MAPK1IP1L: variants seen among roughly 807,000 people sequenced by gnomAD.
MAPK1IP1L encodes MAPK-interacting and spindle-stabilizing protein-like.
Under a neutral mutation model 18.1 loss-of-function variants are expected in MAPK1IP1L, and 10 were observed. That is an observed-to-expected ratio of 0.55 (90% CI 0.34 to 0.94). The LOEUF is 0.94. Ranked by LOEUF, MAPK1IP1L falls within the 40% of genes least tolerant of loss-of-function variation. The pLI, the probability that MAPK1IP1L is intolerant of heterozygous loss-of-function variation, is 0.02. For synonymous variants in MAPK1IP1L, 115 were observed against 117.3 expected, an observed-to-expected ratio of 0.98 and a Z score of 0.13; for missense variants, 260 against 318.2, an observed-to-expected ratio of 0.82 and a Z score of 1.39.
intron 1 of MAPK1IP1L, 64 bp from the exon 2 acceptor site, chr14:55,061,616 T>C (rs1365149949): frequency 8.6e-7 from 1 of 1,161,060 alleles, no homozygotes; most frequent in East Asian, 2.5e-5. Flanking sequence ...AAGGAATATT[T>C]AAGAAATGGT....
At chr14:55,058,417 A>G (rs999944334) in intron 1 of MAPK1IP1L, among the ~76,000 whole-genome samples, 1 of 152,242 alleles carries the variant, frequency 6.6e-6, no homozygotes, top group African/African-American at 2.4e-5. Context: ...TTACAACCAC[A>G]GGGAAAAGTT....
In MAPK1IP1L at chr14:55,051,704, C is replaced by G. The variant is rs760566820; in HGVS notation, c.-104C>G. ...GCTGCTGGTGCTGTTGCCGCCGCTG[C>G]TCTAGCTGCCGTCAGTCAGGCTGCG... On this transcript the variant is annotated 5_prime_UTR_variant, in exon 1 of 4. Coordinates refer to ENST00000395468, the MANE Select transcript of MAPK1IP1L (RefSeq NM_144578.4). The G allele has an allele frequency of 1.9e-6, 1 of 516,384 alleles. No individual in the cohort carries two copies. The highest frequency in any genetic ancestry group is 3.9e-6 in the Non-Finnish European group (1 of 259,548). The allele number at this position is 516,384 out of a possible 1,614,324, so 32.0% of individuals were successfully genotyped here.
intron 1 of MAPK1IP1L, among the ~76,000 whole-genome samples, chr14:55,059,795 A>G (rs1164480605): frequency 6.6e-6 from 1 of 152,024 alleles, no homozygotes; most frequent in Non-Finnish European, 1.5e-5. Context: ...GGAGCTACCA[A>G]GTGAGGTGGT....
In MAPK1IP1L at chr14:55,066,810, T is replaced by C. The variant is rs1356334500; in HGVS notation, c.*2183T>C. The stretch of plus-strand genomic sequence containing the variant: ...CTCCCTATAAGTATAATAATTTTGC[T>C]AGTGACCCATACTGTCCAGTGTGCC... On this transcript the variant is annotated 3_prime_UTR_variant, in exon 4 of 4. Transcript: ENST00000395468. 1 of 152,188 alleles carries C rather than the reference T, an allele frequency of 6.6e-6. No individual in the cohort carries two copies. The highest frequency in any genetic ancestry group is 1.5e-5 in the Non-Finnish European group (1 of 68,030). 9.4% of individuals were successfully genotyped at this position (152,188 alleles called of 1,614,324 possible).
rs755337950 is a variant in MAPK1IP1L at position 55,051,648 on chromosome 14, C to G, written c.-160C>G. ...ACGGGCGGAGGCGGTGCGCTCGGCGCTTCCTGTTCCGGCGCCAGGAGGAGC... is the reference window on the plus strand; with the variant it reads ...ACGGGCGGAGGCGGTGCGCTCGGCGGTTCCTGTTCCGGCGCCAGGAGGAGC... On this transcript the variant is annotated 5_prime_UTR_variant, in exon 1 of 4. Transcript: ENST00000395468. 3.9e-6 allele frequency: 2 copies of G among 510,762 alleles called. No individual in the cohort carries two copies. Among genetic ancestry groups the G allele is most frequent in the Admixed American group, 3.9e-5 (2 of 50,644 alleles). 31.6% of individuals were successfully genotyped at this position (510,762 alleles called of 1,614,324 possible).
chr14:55,068,504 A>G lies in MAPK1IP1L; in HGVS notation c.*3877A>G, dbSNP rs1594629594. On this transcript the variant is annotated 3_prime_UTR_variant, in exon 4 of 4. Coordinates refer to ENST00000395468, the MANE Select transcript of MAPK1IP1L (RefSeq NM_144578.4). The stretch of plus-strand genomic sequence containing the variant: ...TTTCTCACCCTGAATGATAGAAGCT[A>G]GCTTTATCAAATGCCAAGGTTAGAA... 6.6e-6 allele frequency: 1 copy of G among 152,618 alleles called. No individual in the cohort carries two copies. Among genetic ancestry groups the G allele is most frequent in the Admixed American group, 6.5e-5 (1 of 15,274 alleles). 9.5% of individuals were successfully genotyped at this position (152,618 alleles called of 1,614,324 possible).
At position 55,062,939 on chromosome 14, in the gene MAPK1IP1L, G is replaced by C. The variant is rs1227438425; in HGVS notation, c.340G>C (p.Gly114Arg). The C allele has an allele frequency of 6.2e-7, 1 of 1,613,874 alleles. No individual in the cohort carries two copies. The highest frequency in any genetic ancestry group is 8.5e-7 in the Non-Finnish European group (1 of 1,179,942). The change falls in exon 3 of 4, where the codon GGG becomes CGG. Residue 114 changes from glycine to arginine, a missense_variant. Transcript: ENST00000395468. ...AACTGTGCCGGGCCCTGGCCCCACA[G>C]GGCCATATCCTACACCAAATATGCC... Reference protein sequence around the residue: ...APTVPGPGPTGPYPTPNMPFP... With the variant: ...APTVPGPGPTRPYPTPNMPFP...
At chr14:55,056,719 C>T (rs917340248) in intron 1 of MAPK1IP1L, among the ~76,000 whole-genome samples, 3 of 152,096 alleles carry the variant, frequency 2.0e-5, no homozygotes, top group African/African-American at 7.2e-5. Context: ...CCTTGTTAGC[C>T]AGGATGGTCT....
intron 1 of MAPK1IP1L, among the ~76,000 whole-genome samples, chr14:55,059,398 G>A (rs140040777): frequency 1.1e-4 from 16 of 152,178 alleles, no homozygotes; most frequent in African/African-American, 3.1e-4. Flanking sequence ...TTGGGAGGCC[G>A]AGGCAGGCAG....
Position 55,067,375 on chromosome 14 carries a change from G to A in MAPK1IP1L, c.*2748G>A, listed in dbSNP as rs1205817033. 1 of 151,980 alleles carries A rather than the reference G, an allele frequency of 6.6e-6. No homozygotes were observed. Among genetic ancestry groups the A allele is most frequent in the East Asian group, 1.9e-4 (1 of 5,202 alleles). 9.4% of individuals were successfully genotyped at this position (151,980 alleles called of 1,614,324 possible). A position where few individuals can be genotyped will look rare whatever the true frequency, so the allele number is the denominator to read the frequency against. On this transcript the variant is annotated 3_prime_UTR_variant, in exon 4 of 4. Coordinates refer to ENST00000395468, the MANE Select transcript of MAPK1IP1L (RefSeq NM_144578.4). ...TAAGAAAAGCAGGCGTTTTAGTGGA[G>A]AAATGGGGAACAGCATCAAGAAAGG...
chr14:55,056,298 C>CTGAACCTG (rs1043140286), intron 1 of MAPK1IP1L, among the ~76,000 whole-genome samples: 4 of 152,178 alleles, frequency 2.6e-5, no homozygotes, highest in African/African-American at 9.7e-5. Context: ...CCTGAACAGT[C>CTGAACCTG]AAGGCCATTT....
chr14:55,054,429 C>T (rs2042755004), intron 1 of MAPK1IP1L, among the ~76,000 whole-genome samples: 1 of 151,976 alleles, frequency 6.6e-6, no homozygotes, highest in South Asian at 2.1e-4. Context: ...AGGCTTGAGC[C>T]GCCGCACCCG....
rs191659756 is a variant in MAPK1IP1L at position 55,057,558 on chromosome 14, A to C, written c.-4-4122A>C. ...CGGATCACAAGGTCAAGAGATGGAG[A>C]CCATCCTGGACAACATGGTGAAACC... On this transcript the variant is annotated intron_variant, in intron 1 of 3. Transcript: ENST00000395468. Among the ~76,000 whole-genome samples, 526 of 152,274 alleles carry C rather than the reference A, an allele frequency of 3.5e-3. 10 individuals carry two copies. The highest frequency in any genetic ancestry group is 3.4e-3 in the Middle Eastern group (1 of 294).
At chr14:55,053,487 G>T (rs1487702434) in intron 1 of MAPK1IP1L, among the ~76,000 whole-genome samples, 1 of 152,116 alleles carries the variant, frequency 6.6e-6, no homozygotes, top group Non-Finnish European at 1.5e-5. Flanking sequence ...AACATTACTG[G>T]CCTGGTTTTT....
At position 55,051,667 on chromosome 14, in the gene MAPK1IP1L, G is replaced by A. The variant is rs771095452; in HGVS notation, c.-141G>A. On this transcript the variant is annotated 5_prime_UTR_variant, in exon 1 of 4. Coordinates refer to ENST00000395468, the MANE Select transcript of MAPK1IP1L (RefSeq NM_144578.4). ...TCGGCGCTTCCTGTTCCGGCGCCAGGAGGAGCCGCGCGCTGCTGGTGCTGT... is the reference window on the plus strand; with the variant it reads ...TCGGCGCTTCCTGTTCCGGCGCCAGAAGGAGCCGCGCGCTGCTGGTGCTGT... 7.8e-6 allele frequency: 4 copies of A among 514,504 alleles called. No individual in the cohort carries two copies. The highest frequency in any genetic ancestry group is 1.9e-5 in the Admixed American group (1 of 51,336). The allele number at this position is 514,504 out of a possible 1,614,324, so 31.9% of individuals were successfully genotyped here.
intron 1 of MAPK1IP1L, among the ~76,000 whole-genome samples, chr14:55,054,285 A>C (rs1410580738): frequency 6.7e-6 from 1 of 150,134 alleles, no homozygotes; most frequent in East Asian, 2.0e-4. Context: ...CTGGGATTAC[A>C]GGTGCCTTCC....
chr14:55,069,801 G>A lies in MAPK1IP1L; in HGVS notation c.*5174G>A, dbSNP rs757443633. The A allele has an allele frequency of 5.9e-5, 9 of 152,106 alleles. No homozygotes were observed. Among genetic ancestry groups the A allele is most frequent in the Admixed American group, 1.3e-4 (2 of 15,258 alleles). 9.4% of individuals were successfully genotyped at this position (152,106 alleles called of 1,614,324 possible). A position where few individuals can be genotyped will look rare whatever the true frequency, so the allele number is the denominator to read the frequency against. On this transcript the variant is annotated 3_prime_UTR_variant, in exon 4 of 4. Transcript: ENST00000395468. ...GCTACTCTTGGTAACCAGATTATCC[G>A]TATATATGATAATATGAAGTCAGGG...
intron 1 of MAPK1IP1L, among the ~76,000 whole-genome samples, chr14:55,057,934 CA>C (rs773615388): frequency 1.3e-5 from 2 of 150,388 alleles, no homozygotes; most frequent in African/African-American, 4.9e-5. Context: ...GACCCTGTCT[CA>C]AAAAAAAATT....
rs1394098845 is a variant in MAPK1IP1L at position 55,062,916 on chromosome 14, C to G, written c.317C>G (p.Thr106Ser). ...CCTGGTGGTCCTTATCCAGCCCCAA[C>G]TGTGCCGGGCCCTGGCCCCACAGGG... ...PPPGGPYPAPTVPGPGPTGPY... is the reference protein window; with the variant it reads ...PPPGGPYPAPSVPGPGPTGPY... Residue 106 changes from threonine to serine, a missense_variant, in exon 3 of 4, where the codon ACT becomes AGT. Coordinates refer to ENST00000395468, the MANE Select transcript of MAPK1IP1L (RefSeq NM_144578.4). The G allele has an allele frequency of 1.2e-6, 2 of 1,614,108 alleles. No individual in the cohort carries two copies. The highest frequency in any genetic ancestry group is 1.3e-5 in the African/African-American group (1 of 75,054).
Sources: allele counts gnomAD v4.1 joint callset (sites outside exome capture counted in the v4.1 genomes callset), GRCh38; gene constraint gnomAD v4.1.1; transcripts MANE v1.5; gene names NCBI Gene and HGNC (gene_info 2026-07-23, HGNC 2026-07-21).